MYO16: variants seen among roughly 807,000 people sequenced by gnomAD.
The protein encoded by MYO16 is myosin XVI.
In MYO16, 94 loss-of-function variants were observed where a neutral mutation model predicts 205.3. That is an observed-to-expected ratio of 0.46 (90% CI 0.39 to 0.54). The LOEUF is 0.54. MYO16 is among the 20% of genes least tolerant of loss of function. The pLI, the probability that MYO16 is intolerant of heterozygous loss-of-function variation, is 0.00. For synonymous variants in MYO16, 988 were observed against 954.0 expected, an observed-to-expected ratio of 1.04 and a Z score of -0.66; for missense variants, 2,315 against 2,387.5, an observed-to-expected ratio of 0.97 and a Z score of 0.63.
intron 28 of MYO16, among the ~76,000 whole-genome samples, chr13:109,115,767 T>C (rs1006571537): frequency 3.3e-5 from 5 of 152,206 alleles, no homozygotes; most frequent in African/African-American, 1.2e-4. Flanking sequence ...TCAGAATATA[T>C]GTGATCTTAT....
At position 109,127,859 on chromosome 13, in the gene MYO16, T is replaced by TAAAAAAAAA. The variant is rs34317737; in HGVS notation, c.4051+320_4051+328dup. On this transcript the variant is annotated intron_variant, in intron 31 of 34. Transcript: ENST00000457511. The surrounding 1 kb of genome is among the most constrained non-coding windows in gnomAD (Gnocchi z 4.2). Reference sequence around the variant, plus strand: ...ATGTAAAGGTTCACCAATGAGAAAGTAAAAAAAAAAAAAAAAAAACTGCTT... The same window carrying TAAAAAAAAA: ...ATGTAAAGGTTCACCAATGAGAAAGTAAAAAAAAAAAAAAAAAAAAAAAAAAAACTGCTT... 1.1e-4 allele frequency among the ~76,000 whole-genome samples: 15 copies of TAAAAAAAAA among 132,636 alleles called. No individual in the cohort carries two copies. The highest frequency in any genetic ancestry group is 3.7e-4 in the African/African-American group (13 of 35,420). 87.0% of individuals were successfully genotyped at this position (132,636 alleles called of 152,430 possible).
rs545644234 is a variant in MYO16 at position 109,087,792 on chromosome 13, T to C, written c.3336-12993T>C. 3.3e-5 allele frequency among the ~76,000 whole-genome samples: 5 copies of C among 152,328 alleles called. No homozygotes were observed. In the East Asian group the frequency reaches 9.6e-4, roughly 29 times the overall value. On this transcript the variant is annotated intron_variant, in intron 27 of 34. Transcript: ENST00000457511. ...TTAATTTTCTGTCCCTCCTGAAAGA[T>C]AGGAGGTCAGACTGACCTTGGTGAA...
At chr13:108,968,580 C>T (rs946992296) in intron 20 of MYO16, among the ~76,000 whole-genome samples, 29 of 151,964 alleles carry the variant, frequency 1.9e-4, no homozygotes, top group African/African-American at 6.8e-4. Flanking sequence ...AAGCCGAGAT[C>T]GTGCCACTGT....
intron 7 of MYO16, among the ~76,000 whole-genome samples, chr13:108,814,361 T>C (rs2139001247): frequency 6.6e-6 from 1 of 152,278 alleles, no homozygotes. Context: ...TCTGAATTTC[T>C]CTTTCCCTTC....
At chr13:108,712,800 C>T in intron 3 of MYO16, 69 bp downstream of exon 3, 1 of 1,229,056 alleles carries the variant, frequency 8.1e-7, no homozygotes, top group East Asian at 2.5e-5. Flanking sequence ...AGGTTCAAAC[C>T]CAGGAACGAA....
chr13:108,830,895 C>A (rs1345705232), intron 9 of MYO16, among the ~76,000 whole-genome samples: 1 of 152,178 alleles, frequency 6.6e-6, no homozygotes, highest in Non-Finnish European at 1.5e-5. Flanking sequence ...TGAGAACTGT[C>A]TATTCAGTCC....
chr13:108,517,503 A>C, the MYO16 span, among the ~76,000 whole-genome samples: 1 of 152,230 alleles, frequency 6.6e-6, no homozygotes, highest in Non-Finnish European at 1.5e-5. Flanking sequence ...TGTCTTTACA[A>C]CAGACACTTG....
At chr13:108,869,680 G>C (rs760330253) in intron 12 of MYO16, among the ~76,000 whole-genome samples, 8 of 136,380 alleles carry the variant, frequency 5.9e-5, no homozygotes, top group Non-Finnish European at 1.2e-4. Context: ...GCAGTGAGCC[G>C]AGATCGTGCC....
chr13:108,886,100 G>C (rs1566390899), intron 13 of MYO16, among the ~76,000 whole-genome samples: 1 of 151,960 alleles, frequency 6.6e-6, no homozygotes, highest in Non-Finnish European at 1.5e-5. Flanking sequence ...TCATTCTCCT[G>C]CCTCAGCCTC....
chr13:108,945,526 G>A (rs901961230), intron 16 of MYO16, among the ~76,000 whole-genome samples: 51 of 152,160 alleles, frequency 3.4e-4, no homozygotes, highest in African/African-American at 1.2e-3. Context: ...TAGAACATTA[G>A]GTGTCAAAAT....
At chr13:108,589,272 G>A in the MYO16 span, among the ~76,000 whole-genome samples, 1 of 152,068 alleles carries the variant, frequency 6.6e-6, no homozygotes, top group Non-Finnish European at 1.5e-5. Context: ...CTACCGAACA[G>A]ATTTTATGAT....
At chr13:108,525,486 A>G in the MYO16 span, among the ~76,000 whole-genome samples, 1 of 152,056 alleles carries the variant, frequency 6.6e-6, no homozygotes, top group Non-Finnish European at 1.5e-5. Context: ...TGCTGTGGGG[A>G]TGACCCTGTG....
chr13:108,752,412 A>C (rs1885265246), intron 4 of MYO16, among the ~76,000 whole-genome samples: 1 of 152,156 alleles, frequency 6.6e-6, no homozygotes, highest in Admixed American at 6.5e-5. Context: ...GATTCGTACA[A>C]AGGTTATACT....
intron 32 of MYO16, among the ~76,000 whole-genome samples, chr13:109,148,363 G>T (rs961878280): frequency 1.3e-5 from 2 of 152,164 alleles, no homozygotes; most frequent in Admixed American, 1.3e-4. Flanking sequence ...TGTGCAAGCA[G>T]GAGGCCTATA....
At chr13:108,813,604 T>G (rs1255044445) in intron 7 of MYO16, among the ~76,000 whole-genome samples, 1 of 152,152 alleles carries the variant, frequency 6.6e-6, no homozygotes, top group East Asian at 1.9e-4. Flanking sequence ...AAGTAAAGTC[T>G]ATATCCAGTA....
chr13:108,761,804 C>G (rs1885618676), intron 4 of MYO16, among the ~76,000 whole-genome samples: 1 of 152,116 alleles, frequency 6.6e-6, no homozygotes, highest in East Asian at 1.9e-4. Flanking sequence ...CTGGTTGATA[C>G]TGATGGGGAT....
chr13:108,852,789 C>G (rs779007063), intron 10 of MYO16, among the ~76,000 whole-genome samples: 3 of 152,078 alleles, frequency 2.0e-5, no homozygotes, highest in Admixed American at 6.5e-5. Flanking sequence ...CCAAATTTTC[C>G]TCATATATTT....
At chr13:109,028,647 C>A (rs979600260) in intron 23 of MYO16, among the ~76,000 whole-genome samples, 10 of 150,526 alleles carry the variant, frequency 6.6e-5, no homozygotes, top group African/African-American at 2.4e-4. Flanking sequence ...TAAAAACTTA[C>A]AGCCACCTTA....
At chr13:108,955,264 A>G (rs1883304786) in intron 16 of MYO16, among the ~76,000 whole-genome samples, 1 of 151,918 alleles carries the variant, frequency 6.6e-6, no homozygotes. Context: ...TACCTCATCC[A>G]TGTCCCCCTC....
Sources: gnomAD v4.1 joint callset for allele counts (sites outside exome capture counted in the v4.1 genomes callset) on GRCh38, gnomAD v4.1.1 for gene constraint, Gnocchi (gnomAD v3.1) non-coding constraint, MANE v1.5 for transcripts, NCBI Gene and HGNC (gene_info 2026-07-23, HGNC 2026-07-21) for gene names.